Variants in USP40 observed in about 807,000 individuals in gnomAD.
USP40 encodes the protein ubiquitin specific peptidase 40, also known as ubiquitin carboxyl-terminal hydrolase 40.
Under a neutral mutation model 166.2 loss-of-function variants are expected in USP40, and 143 were observed. The observed-to-expected ratio is 0.86, with a 90% CI of 0.75 to 0.99. The LOEUF (loss-of-function observed/expected upper bound fraction) is 0.99, where lower values mean the gene tolerates loss of function less well. Ranked by LOEUF, USP40 falls within the 50% of genes least tolerant of loss-of-function variation. USP40 has a pLI of 0.00. For synonymous variants in USP40, 498 were observed against 524.0 expected (o/e 0.95, Z 0.68); for missense variants, 1,444 against 1,479.7 (o/e 0.98, Z 0.40).
At chr2:233,508,718 T>G (rs1439590008) in intron 21 of USP40, among the ~76,000 whole-genome samples, 2 of 152,218 alleles carry the variant, frequency 1.3e-5, no homozygotes, top group Admixed American at 1.3e-4. Context: ...TATCATTATC[T>G]GCTTAGCTAC....
intron 24 of USP40, among the ~76,000 whole-genome samples, chr2:233,495,547 G>A (rs566297125): frequency 4.4e-4 from 67 of 152,028 alleles, no homozygotes; most frequent in Non-Finnish European, 7.9e-4. Context: ...ATCAGGCACC[G>A]TGCCTAGCCT....
In USP40 at chr2:233,486,517, G is replaced by T. The variant is rs1464077462; in HGVS notation, c.3198-540C>A. Among the ~76,000 whole-genome samples the T allele has an allele frequency of 6.6e-6, 1 of 152,122 alleles. No homozygotes were observed. ...GAAACCTTAGCAGGAGGAGCAGAAA[G>T]AACAACACTCAGCAAGGCAGGAGGA... On this transcript the variant is annotated intron_variant, in intron 28 of 31. Coordinates refer to ENST00000678225, the MANE Select transcript of USP40 (RefSeq NM_001365479.2). This position sits in a 1 kb window ranked among gnomAD's most constrained non-coding sequence, Gnocchi z 4.0.
At chr2:233,534,082 A>G (rs1056367704) in intron 10 of USP40, among the ~76,000 whole-genome samples, 2 of 152,258 alleles carry the variant, frequency 1.3e-5, no homozygotes, top group Non-Finnish European at 2.9e-5. Flanking sequence ...CAGATTAGGT[A>G]GAACAAACAC....
In USP40 at chr2:233,475,663, G is replaced by A. The variant is rs1046936919; in HGVS notation, c.*1729C>T. On this transcript the variant is annotated 3_prime_UTR_variant, in exon 32 of 32. Transcript: ENST00000678225. ...CGCACAGGCCGGCCCGGCCGCACGC[G>A]CCTGCTGGACGGCACTTCAGGGCAC... is the stretch of plus-strand genomic sequence containing the variant. 7.2e-5 allele frequency: 11 copies of A among 152,382 alleles called. No individual in the cohort carries two copies. The highest frequency in any genetic ancestry group is 2.4e-4 in the African/African-American group (10 of 41,468). The allele number at this position is 152,382 out of a possible 1,614,324, so 9.4% of individuals were successfully genotyped here. A position where few individuals can be genotyped will look rare whatever the true frequency, so the allele number is the denominator to read the frequency against.
chr2:233,538,741 G>C, intron 10 of USP40, among the ~76,000 whole-genome samples: 1 of 152,220 alleles, frequency 6.6e-6, no homozygotes, highest in East Asian at 1.9e-4. Context: ...AGCATTTCTG[G>C]TGTGGTGGCT....
intron 21 of USP40, among the ~76,000 whole-genome samples, chr2:233,505,487 A>T (rs979397454): frequency 2.0e-5 from 3 of 152,186 alleles, no homozygotes; most frequent in African/African-American, 7.2e-5. Context: ...CAGAGATGAA[A>T]ATCAGACATT....
intron 18 of USP40, among the ~76,000 whole-genome samples, chr2:233,518,210 T>C (rs531593519): frequency 2.3e-5 from 2 of 87,482 alleles, no homozygotes; most frequent in African/African-American, 4.3e-5. Flanking sequence ...TCAAAATATG[T>C]TTTTTTTTTT....
In USP40 at chr2:233,559,974, A is replaced by G. The variant is rs763688551; in HGVS notation, c.268-50T>C. The G allele has an allele frequency of 5.0e-6, 7 of 1,408,306 alleles. No homozygotes were observed. In the African/African-American group the frequency reaches 1.0e-4, roughly 20 times the overall value. The allele number at this position is 1,408,306 out of a possible 1,614,324, so 87.2% of individuals were successfully genotyped here. A position where few individuals can be genotyped will look rare whatever the true frequency, so the allele number is the denominator to read the frequency against. On this transcript the variant is annotated intron_variant, in intron 3 of 31. Transcript: ENST00000678225. The stretch of plus-strand genomic sequence containing the variant: ...TAAATGAATTCTTTAAGTGTTGACT[A>G]AGGCTTTTGAAAACAACTGCATACT...
chr2:233,529,363 CT>C (rs1382931125), intron 12 of USP40, 67 bp downstream of exon 12: 1 of 1,308,958 alleles, frequency 7.6e-7, no homozygotes, highest in Non-Finnish European at 1.0e-6. Flanking sequence ...TTACTGAATG[CT>C]TAAGGCCTAA....
At chr2:233,508,682 G>A (rs1222726595) in intron 21 of USP40, among the ~76,000 whole-genome samples, 2 of 152,066 alleles carry the variant, frequency 1.3e-5, no homozygotes, top group Middle Eastern at 3.2e-3. Flanking sequence ...TCATTTATTA[G>A]TTGGAATATG....
At position 233,477,444 on chromosome 2, in the gene USP40, C is replaced by T. The variant is rs778158878; in HGVS notation, c.3659G>A (p.Arg1220Gln). Residue 1220 changes from arginine (R) to glutamine (Q), a missense_variant, in exon 32 of 32, where the codon CGG becomes CAG. Transcript: ENST00000678225. ...YILSSAETPA[R>Q]PRAPETSLSI... ...GAGAGAAGTTTCCGGGGCTCGGGGC[C>T]GGGCAGGCGTCTCTGCACTGGAGAG... The T allele has an allele frequency of 9.9e-6, 16 of 1,613,682 alleles. No homozygotes were observed. Among genetic ancestry groups the T allele is most frequent in the Middle Eastern group, 1.6e-4 (1 of 6,084 alleles).
At chr2:233,495,775 A>C (rs999332538) in intron 24 of USP40, among the ~76,000 whole-genome samples, 1 of 152,210 alleles carries the variant, frequency 6.6e-6, no homozygotes, top group African/African-American at 2.4e-5. Flanking sequence ...CCAGCTTTTC[A>C]TAACACCTGG....
At chr2:233,513,858 G>C (rs1398796899) in intron 18 of USP40, among the ~76,000 whole-genome samples, 1 of 152,092 alleles carries the variant, frequency 6.6e-6, no homozygotes, top group African/African-American at 2.4e-5. Context: ...AAATTGGAGG[G>C]GTGGGGGAAG....
At chr2:233,500,034 T>A (rs1157808246) in intron 21 of USP40, 119 bp from the exon 22 acceptor site, 2 of 739,966 alleles carry the variant, frequency 2.7e-6, no homozygotes, top group Middle Eastern at 3.0e-4. Flanking sequence ...GATTCTTGAA[T>A]AGGCAAGGAT....
intron 31 of USP40, among the ~76,000 whole-genome samples, chr2:233,478,682 G>A (rs1284778474): frequency 6.6e-6 from 1 of 152,214 alleles, no homozygotes; most frequent in East Asian, 1.9e-4. Context: ...GCCTGGAAGT[G>A]TGTGAGGTGG....
intron 1 of USP40, among the ~76,000 whole-genome samples, chr2:233,566,407 AAC>A (rs2072162018): frequency 6.6e-6 from 1 of 152,140 alleles, no homozygotes; most frequent in African/African-American, 2.4e-5. Context: ...AAACTAAAAA[AAC>A]ACAACTCGAG....
chr2:233,498,734 T>C (rs1245649785), intron 22 of USP40, 122 bp from the exon 23 acceptor site: 1 of 729,302 alleles, frequency 1.4e-6, no homozygotes, highest in South Asian at 1.9e-5. Flanking sequence ...AATAAAGCTA[T>C]GGGCCTCCAT....
chr2:233,510,334 T>C (rs1277312344), intron 20 of USP40, among the ~76,000 whole-genome samples, 199 bp from the exon 21 acceptor site: 1 of 118,808 alleles, frequency 8.4e-6, no homozygotes, highest in East Asian at 2.2e-4. Context: ...AATTGCTTCA[T>C]CATCAATGTT....
At chr2:233,494,936 A>ATATATATATATATATT (rs2065609657) in intron 24 of USP40, among the ~76,000 whole-genome samples, 3 of 62,604 alleles carry the variant, frequency 4.8e-5, no homozygotes, top group African/African-American at 2.1e-4. Flanking sequence ...ATATATATAT[A>ATATATATATATATATT]TATATATATA....
Sources: allele counts gnomAD v4.1 joint callset (sites outside exome capture counted in the v4.1 genomes callset), GRCh38; gene constraint gnomAD v4.1.1; non-coding constraint Gnocchi (gnomAD v3.1); transcripts MANE v1.5; gene names NCBI Gene and HGNC (gene_info 2026-07-23, HGNC 2026-07-21).